The following RANGAP1 variants were observed in gnomAD, a reference collection of about 807,000 sequenced individuals.
The protein encoded by RANGAP1 is ran GTPase-activating protein 1.
A neutral mutation model predicts 63.5 loss-of-function variants in RANGAP1; 38 were observed. The ratio of observed to expected loss-of-function variants is 0.60; its 90% CI spans 0.46 to 0.78. The LOEUF (loss-of-function observed/expected upper bound fraction) is 0.78. Ranked by LOEUF, RANGAP1 falls within the 30% of genes least tolerant of loss-of-function variation. The pLI, the probability that RANGAP1 is intolerant of heterozygous loss-of-function variation, is 0.00. For synonymous variants in RANGAP1, 329 were observed against 310.5 expected (o/e 1.06, Z -0.63); for missense variants, 630 against 740.3 (o/e 0.85, Z 1.73).
At chr22:41,300,477 CACAT>C in the RANGAP1 span, among the ~76,000 whole-genome samples, 8 of 33,236 alleles carry the variant, frequency 2.4e-4, no homozygotes, top group East Asian at 1.1e-3. Flanking sequence ...CACACACACA[CACAT>C]ATATTTCTGG....
chr22:41,282,490 T>G (rs1379851059), intron 1 of RANGAP1: 1 of 152,164 alleles, frequency 6.6e-6, no homozygotes, highest in African/African-American at 2.4e-5. Context: ...CAGCTAATTT[T>G]TTTGTATTTT....
chr22:41,251,196 G>C, intron 12 of RANGAP1, 87 bp from the exon 13 acceptor site: 1 of 1,009,644 alleles, frequency 9.9e-7, no homozygotes, highest in South Asian at 1.4e-5. Flanking sequence ...GGCCTGGGCA[G>C]TACAAAGGCC....
chr22:41,260,012 A>T (rs576573138), intron 6 of RANGAP1, among the ~76,000 whole-genome samples: 95 of 146,792 alleles, frequency 6.5e-4, no homozygotes, highest in African/African-American at 2.2e-3. Flanking sequence ...CCTCAATAAA[A>T]TTTTTTTTTT....
At chr22:41,255,136 G>A (rs961139379) in intron 10 of RANGAP1, among the ~76,000 whole-genome samples, 1 of 152,116 alleles carries the variant, frequency 6.6e-6, no homozygotes, top group Non-Finnish European at 1.5e-5. Flanking sequence ...GGGCAGGGGC[G>A]CCCACATCCA....
chr22:41,271,453 T>C (rs1251902572), intron 3 of RANGAP1, among the ~76,000 whole-genome samples: 1 of 150,472 alleles, frequency 6.6e-6, no homozygotes, highest in Non-Finnish European at 1.5e-5. Context: ...TCCCAGCACT[T>C]TGGGAGGCCG....
rs956213028 is a variant in RANGAP1 at position 41,246,495 on chromosome 22, C to A, written c.*108G>T. On this transcript the variant is annotated 3_prime_UTR_variant, in exon 16 of 16. Transcript: ENST00000356244. ...ACACATGGGACACAGACCCGCCCTG[C>A]CTGTGGCCAGAGTCCTGTCCAAGGC... 7 of 1,243,034 alleles carry A rather than the reference C, an allele frequency of 5.6e-6. No individual in the cohort carries two copies. In the African/African-American group the frequency reaches 6.0e-5, roughly 11 times the overall value. 77.0% of individuals were successfully genotyped at this position (1,243,034 alleles called of 1,614,324 possible). A position where few individuals can be genotyped will look rare whatever the true frequency, so the allele number is the denominator to read the frequency against.
At chr22:41,295,696 TAAAAAAA>T in the RANGAP1 span, among the ~76,000 whole-genome samples, 2 of 122,254 alleles carry the variant, frequency 1.6e-5, no homozygotes, top group African/African-American at 3.3e-5. Context: ...AATGATCAAT[TAAAAAAA>T]AAAAAAAAAG....
chr22:41,267,484 G>A (rs1368505920), intron 4 of RANGAP1, among the ~76,000 whole-genome samples: 1 of 152,118 alleles, frequency 6.6e-6, no homozygotes, highest in Non-Finnish European at 1.5e-5. Context: ...AGAGGCTGCC[G>A]ACCACCAGCC....
chr22:41,292,824 C>T, the RANGAP1 span, among the ~76,000 whole-genome samples: 1 of 152,048 alleles, frequency 6.6e-6, no homozygotes, highest in East Asian at 1.9e-4. Flanking sequence ...GAAAACTGAG[C>T]TGGGCACAGT....
intron 15 of RANGAP1, among the ~76,000 whole-genome samples, chr22:41,247,045 T>TTTTTTC (rs1176335868): frequency 7.9e-5 from 12 of 152,138 alleles, no homozygotes; most frequent in South Asian, 6.2e-4. Context: ...TTTGGTTGCT[T>TTTTTTC]TTTTTCTTTT....
chr22:41,263,386 GTTTGTTTGTTTT>G (rs2034283056), intron 5 of RANGAP1, among the ~76,000 whole-genome samples: 1 of 152,130 alleles, frequency 6.6e-6, no homozygotes, highest in Admixed American at 6.5e-5. Flanking sequence ...TTGTTTGTTT[GTTTGTTTGTTTT>G]TTTGAGACGG....
chr22:41,262,628 C>G (rs2284079), intron 5 of RANGAP1, among the ~76,000 whole-genome samples: 3 of 152,082 alleles, frequency 2.0e-5, no homozygotes, highest in Admixed American at 6.6e-5. Flanking sequence ...CAGCACCTGC[C>G]TGACTCCACG....
chr22:41,275,057 G>A (rs377178335), intron 2 of RANGAP1, among the ~76,000 whole-genome samples: 1 of 152,026 alleles, frequency 6.6e-6, no homozygotes, highest in Non-Finnish European at 1.5e-5. Context: ...GCCAAGCAGA[G>A]AAACGGCACC....
At chr22:41,275,653 C>A (rs773250493) in intron 2 of RANGAP1, among the ~76,000 whole-genome samples, 1 of 151,590 alleles carries the variant, frequency 6.6e-6, no homozygotes, top group Non-Finnish European at 1.5e-5. Flanking sequence ...ATGGCACATG[C>A]CTGTAATCCC....
chr22:41,249,704 G>A (rs757244694), intron 14 of RANGAP1, 25 bp downstream of exon 14: 4 of 1,597,580 alleles, frequency 2.5e-6, no homozygotes, highest in Non-Finnish European at 3.4e-6. Context: ...CTCCCTCCCG[G>A]GCCTGCTGTT....
At chr22:41,275,273 G>A (rs2035067243) in intron 2 of RANGAP1, among the ~76,000 whole-genome samples, 1 of 151,480 alleles carries the variant, frequency 6.6e-6, no homozygotes, top group Non-Finnish European at 1.5e-5. Flanking sequence ...CAGGTGGATT[G>A]CTTGAGCCCA....
Position 41,246,552 on chromosome 22 carries a change from G to A in RANGAP1, c.*51C>T, listed in dbSNP as rs2033044450. The A allele has an allele frequency of 6.8e-7, 1 of 1,479,580 alleles. No individual in the cohort carries two copies. Among genetic ancestry groups the A allele is most frequent in the Non-Finnish European group, 9.2e-7 (1 of 1,081,498 alleles). 91.7% of individuals were successfully genotyped at this position (1,479,580 alleles called of 1,614,324 possible). A position where few individuals can be genotyped will look rare whatever the true frequency, so the allele number is the denominator to read the frequency against. On this transcript the variant is annotated 3_prime_UTR_variant, in exon 16 of 16. Coordinates refer to ENST00000356244, the MANE Select transcript of RANGAP1 (RefSeq NM_002883.4). ...GTAGGCTGCGCCTCAGTTCATCCGA[G>A]TCCCTCCCCAGCTCACTGGTCCAGG...
chr22:41,248,439 G>A (rs958483521), intron 15 of RANGAP1, among the ~76,000 whole-genome samples: 16 of 152,208 alleles, frequency 1.1e-4, no homozygotes, highest in Admixed American at 4.6e-4. Flanking sequence ...GGAGGCCAGC[G>A]GGGGCCGCTC....
chr22:41,247,290 C>T (rs1040015934), intron 15 of RANGAP1, among the ~76,000 whole-genome samples: 9 of 152,072 alleles, frequency 5.9e-5, no homozygotes, highest in South Asian at 2.1e-4. Flanking sequence ...CTCCTGACCT[C>T]GTGATCCTCC....
Sources: allele counts gnomAD v4.1 joint callset (sites outside exome capture counted in the v4.1 genomes callset), GRCh38; gene constraint gnomAD v4.1.1; transcripts MANE v1.5; gene names NCBI Gene and HGNC (gene_info 2026-07-23, HGNC 2026-07-21).